The following GPR143 variants were observed in gnomAD, a reference collection of about 807,000 sequenced individuals.
GPR143 encodes the protein G protein-coupled receptor 143, also known as G-protein coupled receptor 143.
Under a neutral mutation model 27.6 loss-of-function variants are expected in GPR143, and 8 were observed. The ratio of observed to expected loss-of-function variants is 0.29; its 90% CI spans 0.17 to 0.52. The LOEUF (loss-of-function observed/expected upper bound fraction) is 0.52. Among genes scored for constraint, GPR143 ranks in the 20% least tolerant of loss-of-function variants. The pLI is 0.96. For missense variants in GPR143, 303 were observed against 343.1 expected (o/e 0.88, Z 0.92); for synonymous variants, 156 against 153.2 (o/e 1.02, Z -0.13).
chrX:9,733,839 T>G (rs1180362365), intron 8 of GPR143, among the ~76,000 whole-genome samples: 1 of 111,138 alleles, frequency 9.0e-6, no homozygotes, highest in Non-Finnish European at 1.9e-5. Context: ...CCCAACACTT[T>G]GGGAGGCCGA....
intron 8 of GPR143, among the ~76,000 whole-genome samples, chrX:9,737,641 C>T (rs750284951): frequency 2.1e-3 from 237 of 111,658 alleles, no homozygotes; most frequent in African/African-American, 7.0e-3. Flanking sequence ...ATAGTGGTGA[C>T]GTGTGCACAA....
chrX:9,766,131 T>G, upstream of GPR143: 1 of 161,485 alleles, frequency 6.2e-6, no homozygotes, highest in Non-Finnish European at 1.2e-5. Context: ...TTTCTCCCCA[T>G]TCACCAAGCC....
At chrX:9,765,023 CAAAA>C (rs549035721) in intron 1 of GPR143, among the ~76,000 whole-genome samples, 1 of 86,233 alleles carries the variant, frequency 1.2e-5, no homozygotes, top group Admixed American at 1.3e-4. Flanking sequence ...GACTCCGTCT[CAAAA>C]AAAAAAAAAA....
At chrX:9,741,864 G>A (rs903979159) in intron 6 of GPR143, among the ~76,000 whole-genome samples, 1 of 112,075 alleles carries the variant, frequency 8.9e-6, no homozygotes, top group Non-Finnish European at 1.9e-5. Context: ...CTGCACTCCA[G>A]CCTGGGGGAC....
At chrX:9,759,975 A>G (rs2083488950) in intron 2 of GPR143, among the ~76,000 whole-genome samples, 1 of 112,380 alleles carries the variant, frequency 8.9e-6, no homozygotes, top group South Asian at 3.8e-4. Flanking sequence ...TGTGCTTCAA[A>G]TCACTCACCT....
intron 8 of GPR143, 140 bp from the exon 9 acceptor site, chrX:9,725,980 C>CAA (rs35066814): frequency 0.017 from 5,858 of 346,893 alleles, 79 homozygotes; most frequent in African/African-American, 0.062. Flanking sequence ...ATCTCATCTG[C>CAA]AAAAAAAAAA....
Position 9,725,795 on chromosome X carries a change from C to G in GPR143, c.1166G>C (p.Cys389Ser). 5.8e-6 allele frequency: 7 copies of G among 1,209,904 alleles called. No homozygotes were observed. Among genetic ancestry groups the G allele is most frequent in the Non-Finnish European group, 7.8e-6 (7 of 894,526 alleles). ...TIEIHTASESCNKNEGDPALP... is the reference protein window; with the variant it reads ...TIEIHTASESSNKNEGDPALP... ...AGCAGGGTCACCCTCATTTTTGTTG[C>G]AGGATTCACTTGCAGTGTGAATTTC... Residue 389 changes from cysteine to serine, a missense_variant, in exon 9 of 9, where the codon TGC (cysteine) becomes TCC (serine). By Grantham distance (112) the Cys-to-Ser change is moderately radical. Transcript: ENST00000467482.
At chrX:9,760,318 C>G (rs984849414) in intron 2 of GPR143, among the ~76,000 whole-genome samples, 2 of 111,846 alleles carry the variant, frequency 1.8e-5, no homozygotes, top group Admixed American at 1.9e-4. Context: ...TCTGGAACTC[C>G]TGGCCTCAAG....
intron 3 of GPR143, among the ~76,000 whole-genome samples, chrX:9,749,106 T>G (rs1302122434): frequency 8.9e-6 from 1 of 111,894 alleles, no homozygotes; most frequent in Non-Finnish European, 1.9e-5. Context: ...GGTTAGGTGG[T>G]TGGAGGACGG....
chrX:9,763,009 T>C (rs1162516557), intron 1 of GPR143, among the ~76,000 whole-genome samples: 1 of 111,146 alleles, frequency 9.0e-6, no homozygotes, highest in Non-Finnish European at 1.9e-5. Flanking sequence ...CACTCTAGCC[T>C]GGAATTCCTG....
chrX:9,736,707 T>C (rs58164601), intron 8 of GPR143, among the ~76,000 whole-genome samples: 4,399 of 111,871 alleles, frequency 0.039, 213 homozygotes, highest in African/African-American at 0.13. Flanking sequence ...GAGTTCTAAA[T>C]TGGCAGCTGC....
chrX:9,735,930 G>A (rs1294206799), intron 8 of GPR143, among the ~76,000 whole-genome samples: 1 of 111,783 alleles, frequency 8.9e-6, no homozygotes, highest in South Asian at 3.7e-4. Context: ...TTGACTTTAC[G>A]CACAGAAGTA....
In GPR143 at chrX:9,760,767, C is replaced by T. The variant is rs749150001; in HGVS notation, c.310G>A (p.Asp104Asn). Reference protein sequence around the residue: ...GFPNFVDSVSDMNHTEIWPAA... With the variant: ...GFPNFVDSVSNMNHTEIWPAA... ...GGCCAAATTTCCGTGTGGTTCATAT[C>T]CGAGACGCTGTCAACAAAATTTGGG... is the stretch of plus-strand genomic sequence containing the variant. The change falls in exon 2 of 9, where the codon GAT becomes AAT. Residue 104 changes from aspartate to asparagine, a missense_variant. Coordinates refer to ENST00000467482, the MANE Select transcript of GPR143 (RefSeq NM_000273.3). 7 of 1,197,772 alleles carry T rather than the reference C, an allele frequency of 5.8e-6. No homozygotes were observed. Among genetic ancestry groups the T allele is most frequent in the African/African-American group, 5.3e-5 (3 of 57,031 alleles).
chrX:9,774,224 C>T (rs576261496), intron 1 of GPR143, among the ~76,000 whole-genome samples: 3 of 112,482 alleles, frequency 2.7e-5, no homozygotes, highest in African/African-American at 9.7e-5. Context: ...TATCTCCTAC[C>T]AAAGTCAAAA....
intron 7 of GPR143, among the ~76,000 whole-genome samples, chrX:9,740,489 C>T (rs1343186319): frequency 1.3e-4 from 15 of 113,095 alleles, no homozygotes; most frequent in African/African-American, 4.5e-4. Flanking sequence ...ACTGGGGCAA[C>T]TTGCCCATGG....
intron 8 of GPR143, among the ~76,000 whole-genome samples, chrX:9,735,195 G>A (rs139033105): frequency 0.012 from 1,325 of 112,025 alleles, 23 homozygotes; most frequent in African/African-American, 0.041. Context: ...CCATGCACTG[G>A]GCTGGTCCTA....
intron 3 of GPR143, among the ~76,000 whole-genome samples, 196 bp downstream of exon 3, chrX:9,759,136 G>T (rs1342949309): frequency 9.0e-6 from 1 of 111,536 alleles, no homozygotes; most frequent in Non-Finnish European, 1.9e-5. Context: ...CACTGTGCCT[G>T]GCTAATATTT....
chrX:9,763,454 G>T (rs2146703479), intron 1 of GPR143, among the ~76,000 whole-genome samples: 1 of 111,419 alleles, frequency 9.0e-6, no homozygotes, highest in African/African-American at 3.3e-5. Flanking sequence ...CTCCAACCTG[G>T]GCAACAGAGT....
At chrX:9,770,340 A>G (rs1344170864), upstream of GPR143, among the ~76,000 whole-genome samples, 5 of 105,051 alleles carry the variant, frequency 4.8e-5, no homozygotes, top group East Asian at 1.5e-3. Flanking sequence ...AGAGAGAGAG[A>G]GAGAGAGAGA....
Sources: allele counts gnomAD v4.1 joint callset (sites outside exome capture counted in the v4.1 genomes callset), GRCh38; gene constraint gnomAD v4.1.1; transcripts MANE v1.5; gene names NCBI Gene and HGNC (gene_info 2026-07-23, HGNC 2026-07-21).